The following SRGAP3 variants were observed in gnomAD, a reference collection of about 807,000 sequenced individuals.
SRGAP3 encodes the protein SLIT-ROBO Rho GTPase-activating protein 3.
In SRGAP3, 39 loss-of-function variants were observed where a neutral mutation model predicts 121.1. The observed-to-expected ratio is 0.32, with a 90% CI of 0.25 to 0.42. The LOEUF is 0.42. Among genes scored for constraint, SRGAP3 ranks in the 10% least tolerant of loss-of-function variants. The pLI is 1.00. For synonymous variants in SRGAP3, 601 were observed against 570.0 expected, an observed-to-expected ratio of 1.05 and a Z score of -0.77; for missense variants, 1,213 against 1,470.6, an observed-to-expected ratio of 0.82 and a Z score of 2.86.
rs1223938721 is a variant in SRGAP3, at chr3:9,064,556, T to A, written c.512A>T (p.His171Leu). ...GCTTTCCGCACTGATGCTCTCTGCA[T>A]GGTACATGTGGTAGGTTTTCATGAC... ...YTVMKTYHMY[H>L]AESISAESKL... The change falls in exon 5 of 22, where the codon CAT (histidine) becomes CTT (leucine). Residue 171 changes from histidine (H) to leucine (L), a missense_variant. Physicochemically the swap from His to Leu is moderately conservative, Grantham distance 99 (BLOSUM62 -3). Transcript: ENST00000383836. The A allele has an allele frequency of 1.2e-6, 2 of 1,614,066 alleles. No homozygotes were observed. The highest frequency in any genetic ancestry group is 8.5e-7 in the Non-Finnish European group (1 of 1,180,016).
At chr3:9,083,324 C>T (rs1466476213) in intron 3 of SRGAP3, among the ~76,000 whole-genome samples, 1 of 152,200 alleles carries the variant, frequency 6.6e-6, no homozygotes, top group Non-Finnish European at 1.5e-5. Context: ...ATTCTAACAG[C>T]CAGCAGGTAA....
At chr3:9,289,850 G>T (rs1018434897) in intron 3 of SRGAP3, among the ~76,000 whole-genome samples, 2 of 152,170 alleles carry the variant, frequency 1.3e-5, no homozygotes, top group Admixed American at 1.3e-4. Context: ...GCTCATGCCT[G>T]TAATACCAGC....
chr3:9,314,745 A>G (rs553152919), intron 3 of SRGAP3, among the ~76,000 whole-genome samples: 9 of 151,402 alleles, frequency 5.9e-5, no homozygotes, highest in Non-Finnish European at 1.0e-4. Flanking sequence ...CAGCTCTCAG[A>G]ACAGACTTGA....
chr3:9,341,337 T>C (rs1239665919), intron 1 of SRGAP3, among the ~76,000 whole-genome samples: 1 of 152,188 alleles, frequency 6.6e-6, no homozygotes, highest in Non-Finnish European at 1.5e-5. Context: ...TTTTCTTCCC[T>C]ACCCTCCACA....
At chr3:9,091,564 GT>G (rs1053753653) in intron 3 of SRGAP3, among the ~76,000 whole-genome samples, 2 of 152,084 alleles carry the variant, frequency 1.3e-5, no homozygotes, top group Non-Finnish European at 2.9e-5. Flanking sequence ...AAGTGATTGT[GT>G]TTTTATTTCC....
At chr3:9,059,744 T>C (rs369804696) in intron 6 of SRGAP3, 39 of 206,482 alleles carry the variant, frequency 1.9e-4, no homozygotes, top group African/African-American at 7.0e-4. Context: ...CCGAGATAAC[T>C]TCCCCACACA....
intron 1 of SRGAP3, among the ~76,000 whole-genome samples, chr3:9,234,009 G>A (rs1000742526): frequency 6.6e-6 from 1 of 152,168 alleles, no homozygotes; most frequent in African/African-American, 2.4e-5. Context: ...CATTTTTGGA[G>A]CAGAGTTTCA....
chr3:9,272,034 C>T (rs140790770), intron 3 of SRGAP3, among the ~76,000 whole-genome samples: 9 of 152,254 alleles, frequency 5.9e-5, no homozygotes, highest in East Asian at 1.9e-4. Flanking sequence ...TGTCCAAAAC[C>T]GGTTACAACT....
At chr3:9,141,686 A>G (rs1039277058) in intron 1 of SRGAP3, among the ~76,000 whole-genome samples, 1 of 151,822 alleles carries the variant, frequency 6.6e-6, no homozygotes, top group African/African-American at 2.4e-5. Context: ...CTGAGATTAG[A>G]TTTTCCAGGA....
chr3:9,274,569 G>A (rs1413048003), intron 3 of SRGAP3, among the ~76,000 whole-genome samples: 1 of 152,202 alleles, frequency 6.6e-6, no homozygotes, highest in Non-Finnish European at 1.5e-5. Context: ...TGTCGTCTGA[G>A]GACAGCTTAA....
At chr3:9,148,364 G>A (rs929290817) in intron 1 of SRGAP3, among the ~76,000 whole-genome samples, 4 of 152,188 alleles carry the variant, frequency 2.6e-5, no homozygotes, top group African/African-American at 9.7e-5. Context: ...AGTGCCTCAT[G>A]GTGTCATGCA....
intron 1 of SRGAP3, among the ~76,000 whole-genome samples, chr3:9,208,809 T>G (rs549514259): frequency 1.6e-4 from 24 of 152,368 alleles, no homozygotes; most frequent in African/African-American, 5.0e-4. Flanking sequence ...GTTGAGCAAG[T>G]TGCTGTCAAA....
chr3:9,237,240 A>T (rs1448705643), intron 1 of SRGAP3, among the ~76,000 whole-genome samples: 1 of 152,182 alleles, frequency 6.6e-6, no homozygotes, highest in Non-Finnish European at 1.5e-5. Context: ...GGCACCTAGA[A>T]CACCCATTGC....
intron 2 of SRGAP3, 145 bp downstream of exon 2, chr3:9,124,580 T>TA (rs1949146125): frequency 1.0e-6 from 1 of 989,628 alleles, no homozygotes; most frequent in African/African-American, 1.6e-5. Flanking sequence ...GGCTTGGAGG[T>TA]GTAAGTAACC....
intron 9 of SRGAP3, chr3:9,049,466 C>T (rs1266712911): frequency 4.4e-6 from 2 of 455,974 alleles, no homozygotes; most frequent in Non-Finnish European, 8.8e-6. Flanking sequence ...TCATCAGGCC[C>T]CTTCTACCCA....
intron 3 of SRGAP3, among the ~76,000 whole-genome samples, chr3:9,085,165 C>G (rs1171072814): frequency 6.6e-6 from 1 of 152,252 alleles, no homozygotes; most frequent in Non-Finnish European, 1.5e-5. Flanking sequence ...CTCAGGCAGA[C>G]AGCCCTCAGC....
chr3:9,316,691 AT>A (rs1955352625), intron 3 of SRGAP3, among the ~76,000 whole-genome samples: 1 of 152,166 alleles, frequency 6.6e-6, no homozygotes, highest in African/African-American at 2.4e-5. Context: ...ATCTCATATA[AT>A]TTTTTAAGCT....
chr3:9,252,864 G>T (rs1190190680), upstream of SRGAP3, among the ~76,000 whole-genome samples: 2 of 152,210 alleles, frequency 1.3e-5, no homozygotes, highest in Non-Finnish European at 2.9e-5. Flanking sequence ...TGTGGTAGGT[G>T]TGAGGGGAGG....
rs752775950 is a variant in SRGAP3, at chr3:8,993,107, C to A, written c.2409-52G>T. ...AGGCACCTTCCCCCAAAGAACCCAG[C>A]ATATACAGAGCTCCCTGATATGTGT... On this transcript the variant is annotated intron_variant, in intron 19 of 21. Coordinates refer to ENST00000383836, the MANE Select transcript of SRGAP3 (RefSeq NM_014850.4). The A allele has an allele frequency of 2.5e-6, 4 of 1,610,186 alleles. No individual in the cohort carries two copies. The Admixed American group carries it at 6.7e-5, about 27-fold the overall frequency.
Sources: gnomAD v4.1 joint callset for allele counts (sites outside exome capture counted in the v4.1 genomes callset) on GRCh38, gnomAD v4.1.1 for gene constraint, MANE v1.5 for transcripts, NCBI Gene and HGNC (gene_info 2026-07-23, HGNC 2026-07-21) for gene names.